The following STAG1 variants were observed in gnomAD, a reference collection of about 807,000 sequenced individuals.
STAG1 encodes the protein STAG1 cohesin complex component.
Under a neutral mutation model 170.9 loss-of-function variants are expected in STAG1, and 26 were observed. That is an observed-to-expected ratio of 0.15 (90% CI 0.11 to 0.21). STAG1 has a LOEUF of 0.21. Among genes scored for constraint, STAG1 ranks in the 10% least tolerant of loss-of-function variants. The pLI, the probability that STAG1 is intolerant of heterozygous loss-of-function variation, is 1.00. For synonymous variants in STAG1, 514 were observed against 497.7 expected (o/e 1.03, Z -0.44); for missense variants, 964 against 1,509.5 (o/e 0.64, Z 5.99).
intron 9 of STAG1, among the ~76,000 whole-genome samples, chr3:136,499,027 G>A (rs1477685399): frequency 6.6e-6 from 1 of 152,150 alleles, no homozygotes; most frequent in East Asian, 1.9e-4. Context: ...AGCTGTCTCT[G>A]AGTAATCTGC....
intron 12 of STAG1, among the ~76,000 whole-genome samples, chr3:136,471,526 A>G (rs2089628143): frequency 6.6e-6 from 1 of 152,176 alleles, no homozygotes; most frequent in Non-Finnish European, 1.5e-5. Flanking sequence ...GCCAAAATGT[A>G]AAAGGATTTC....
chr3:136,453,315 G>A (rs2088999488), intron 13 of STAG1, among the ~76,000 whole-genome samples: 1 of 152,080 alleles, frequency 6.6e-6, no homozygotes, highest in African/African-American at 2.4e-5. Context: ...AAGTTGGCCG[G>A]GCACGGTGGC....
At chr3:136,440,987 G>C (rs1000056674) in intron 15 of STAG1, among the ~76,000 whole-genome samples, 4 of 151,080 alleles carry the variant, frequency 2.6e-5, no homozygotes, top group African/African-American at 9.7e-5. Flanking sequence ...GTTTCACCTA[G>C]TGAGCAGAGG....
At chr3:136,642,264 C>CTTTT (rs10592920) in intron 1 of STAG1, among the ~76,000 whole-genome samples, 16 of 84,946 alleles carry the variant, frequency 1.9e-4, no homozygotes, top group East Asian at 1.1e-3. Context: ...GACAGAATTT[C>CTTTT]TTTTTTTTTT....
intron 2 of STAG1, among the ~76,000 whole-genome samples, chr3:136,624,300 C>T (rs1421982414): frequency 6.6e-6 from 1 of 151,966 alleles, no homozygotes; most frequent in East Asian, 1.9e-4. Context: ...TGGGGTTTCA[C>T]CGTGTTAGCC....
intron 9 of STAG1, among the ~76,000 whole-genome samples, chr3:136,499,075 G>A (rs144652600): frequency 1.3e-5 from 2 of 152,196 alleles, no homozygotes; most frequent in Admixed American, 1.3e-4. Flanking sequence ...AACAGGTTTC[G>A]TATCCCACAA....
chr3:136,653,400 T>C (rs1424445485), intron 1 of STAG1, among the ~76,000 whole-genome samples: 1 of 152,208 alleles, frequency 6.6e-6, no homozygotes, highest in Admixed American at 6.5e-5. Flanking sequence ...AGCCATTACA[T>C]TCTCTTGGAT....
chr3:136,566,708 C>T (rs1435307173), intron 5 of STAG1, among the ~76,000 whole-genome samples: 1 of 152,078 alleles, frequency 6.6e-6, no homozygotes, highest in Non-Finnish European at 1.5e-5. Flanking sequence ...CTATAGCTGA[C>T]GATTTGGCAG....
chr3:136,622,136 A>AG (rs1939888211), intron 3 of STAG1, among the ~76,000 whole-genome samples: 2 of 23,936 alleles, frequency 8.4e-5, no homozygotes, highest in African/African-American at 1.8e-4. Flanking sequence ...CATCTCTACT[A>AG]AAAAAAAAAA....
At chr3:136,649,164 A>C (rs113157918) in intron 1 of STAG1, among the ~76,000 whole-genome samples, 101 of 152,180 alleles carry the variant, frequency 6.6e-4, no homozygotes, top group African/African-American at 2.4e-3. Context: ...TCTATTCACT[A>C]TTTTGTTTGT....
intron 12 of STAG1, among the ~76,000 whole-genome samples, chr3:136,469,483 G>C (rs1169374491): frequency 1.3e-5 from 2 of 152,194 alleles, no homozygotes; most frequent in African/African-American, 4.8e-5. Context: ...TGAAATAAAA[G>C]ACGACACAAA....
intron 28 of STAG1, among the ~76,000 whole-genome samples, chr3:136,355,948 C>G (rs1000894311): frequency 9.2e-5 from 14 of 152,060 alleles, no homozygotes; most frequent in African/African-American, 3.4e-4. Flanking sequence ...AAATGTATAG[C>G]TGTAAATGCC....
In STAG1 at chr3:136,659,775, A is replaced by G. The variant is rs1475202861; in HGVS notation, c.-83-28794T>C. 4.6e-5 allele frequency among the ~76,000 whole-genome samples: 7 copies of G among 152,250 alleles called. 1 individual carries two copies. The highest frequency in any genetic ancestry group is 1.7e-4 in the African/African-American group (7 of 41,466). On this transcript the variant is annotated intron_variant, in intron 1 of 33. Coordinates refer to ENST00000383202, the MANE Select transcript of STAG1 (RefSeq NM_005862.3). Reference sequence around the variant, plus strand: ...TAAAGGAGAAGAATAATCAGGACTAAAATTTAGCAATGGGCCATCAAGGGT... The same window carrying G: ...TAAAGGAGAAGAATAATCAGGACTAGAATTTAGCAATGGGCCATCAAGGGT...
chr3:136,488,221 C>T (rs967906309), intron 9 of STAG1, among the ~76,000 whole-genome samples: 1 of 152,232 alleles, frequency 6.6e-6, no homozygotes, highest in African/African-American at 2.4e-5. Context: ...CTCCTGGGTT[C>T]AAGTGATTCT....
intron 9 of STAG1, among the ~76,000 whole-genome samples, chr3:136,497,991 G>A (rs1337784100): frequency 1.1e-4 from 16 of 149,460 alleles, no homozygotes; most frequent in Middle Eastern, 3.6e-3. Context: ...TCAGGAGTTC[G>A]AGACCAGCCT....
At chr3:136,590,374 T>C (rs1028591963) in intron 4 of STAG1, among the ~76,000 whole-genome samples, 5 of 150,936 alleles carry the variant, frequency 3.3e-5, no homozygotes, top group Admixed American at 6.6e-5. Flanking sequence ...GCGCCTGTAA[T>C]CCCAGCTACT....
chr3:136,610,705 G>A (rs1010378745), intron 3 of STAG1, among the ~76,000 whole-genome samples: 3 of 151,976 alleles, frequency 2.0e-5, no homozygotes, highest in African/African-American at 4.8e-5. Context: ...AAATGTCTGT[G>A]TACTAATCCC....
chr3:136,524,139 T>C (rs549970143), intron 6 of STAG1, among the ~76,000 whole-genome samples: 5 of 152,174 alleles, frequency 3.3e-5, no homozygotes, highest in Admixed American at 6.5e-5. Context: ...AAGAAAGTCA[T>C]TGGTAGCTTG....
rs189338990 is a variant in STAG1 at position 136,676,658 on chromosome 3, T to C, written c.-83-45677A>G. Among the ~76,000 whole-genome samples the C allele has an allele frequency of 2.5e-3, 375 of 152,208 alleles. 2 individuals are homozygous for C. Among genetic ancestry groups the C allele is most frequent in the African/African-American group, 8.4e-3 (348 of 41,524 alleles). ...GGAGATAGGGTTTCACTATGTCTCC[T>C]AGACTCGTCTTGAACTTCTGGCCTC... On this transcript the variant is annotated intron_variant, in intron 1 of 33. Transcript: ENST00000383202.
Sources: allele counts gnomAD v4.1 joint callset (sites outside exome capture counted in the v4.1 genomes callset), GRCh38; gene constraint gnomAD v4.1.1; transcripts MANE v1.5; gene names NCBI Gene and HGNC (gene_info 2026-07-23, HGNC 2026-07-21).